The following STMN2 variants were observed in gnomAD, a reference collection of about 807,000 sequenced individuals.
STMN2 encodes the protein stathmin 2.
In STMN2, 2 loss-of-function variants were observed where a neutral mutation model predicts 24.1. The observed-to-expected ratio is 0.08, with a 90% CI of 0.03 to 0.26. The LOEUF (loss-of-function observed/expected upper bound fraction) is 0.26. Ranked by LOEUF, STMN2 falls within the 10% of genes least tolerant of loss-of-function variation. The pLI is 1.00. For missense variants in STMN2, 114 were observed against 213.6 expected (o/e 0.53, Z 2.91); for synonymous variants, 83 against 77.5 (o/e 1.07, Z -0.37).
intron 4 of STMN2, among the ~76,000 whole-genome samples, chr8:79,664,427 C>G (rs753531910): frequency 1.3e-5 from 2 of 152,090 alleles, no homozygotes; most frequent in Non-Finnish European, 2.9e-5. Context: ...TCTAGCCCTC[C>G]CAGAGTGTCC....
intron 1 of STMN2, among the ~76,000 whole-genome samples, chr8:79,624,106 A>G (rs1412797357): frequency 6.6e-6 from 1 of 152,202 alleles, no homozygotes; most frequent in East Asian, 1.9e-4. Flanking sequence ...GACAGTGTAC[A>G]CAGTTGCAGT....
intron 1 of STMN2, among the ~76,000 whole-genome samples, chr8:79,628,211 T>G (rs1034141749): frequency 6.6e-6 from 1 of 152,226 alleles, no homozygotes; most frequent in East Asian, 1.9e-4. Flanking sequence ...TCGCCCAGGC[T>G]GGAGTACAGT....
intron 3 of STMN2, among the ~76,000 whole-genome samples, chr8:79,650,027 G>A (rs1810299673): frequency 6.6e-6 from 1 of 152,160 alleles, no homozygotes; most frequent in Non-Finnish European, 1.5e-5. Flanking sequence ...CCAATAACGT[G>A]CCTCAGTTCC....
intron 1 of STMN2, among the ~76,000 whole-genome samples, chr8:79,616,161 A>G (rs1426745969): frequency 1.3e-5 from 2 of 152,118 alleles, no homozygotes; most frequent in Non-Finnish European, 2.9e-5. Flanking sequence ...GACTGCTGTT[A>G]TTTTTCCCAT....
chr8:79,631,635 C>T (rs1043703054), intron 1 of STMN2, among the ~76,000 whole-genome samples: 5 of 152,004 alleles, frequency 3.3e-5, no homozygotes, highest in East Asian at 1.9e-4. Context: ...AAATTTGAAC[C>T]GATATAGTAT....
intron 3 of STMN2, among the ~76,000 whole-genome samples, chr8:79,645,166 A>G (rs1810192722): frequency 6.6e-6 from 1 of 152,042 alleles, no homozygotes; most frequent in Non-Finnish European, 1.5e-5. Flanking sequence ...AAAAAAAAAA[A>G]GAAAGAAATG....
intron 2 of STMN2, among the ~76,000 whole-genome samples, chr8:79,637,777 C>A (rs1052331661): frequency 6.6e-6 from 1 of 152,160 alleles, no homozygotes; most frequent in Non-Finnish European, 1.5e-5. Flanking sequence ...ATTTTACTAA[C>A]TCTCAGGCTC....
At chr8:79,613,536 T>G (rs904106749) in intron 1 of STMN2, 2 of 985,508 alleles carry the variant, frequency 2.0e-6, no homozygotes, top group African/African-American at 3.5e-5. Flanking sequence ...CCTCGCTTTC[T>G]GCACCCCTCA....
intron 1 of STMN2, among the ~76,000 whole-genome samples, chr8:79,632,284 C>T (rs1809821076): frequency 6.6e-6 from 1 of 152,152 alleles, no homozygotes. Context: ...CTGTGCAAAT[C>T]GAATTGCTGT....
intron 4 of STMN2, chr8:79,663,582 G>A: frequency 6.6e-7 from 1 of 1,522,746 alleles, no homozygotes. Flanking sequence ...CTTTATAGCT[G>A]GTCAAGTTTA....
At chr8:79,642,646 C>T (rs931566450) in intron 3 of STMN2, among the ~76,000 whole-genome samples, 19 of 152,106 alleles carry the variant, frequency 1.2e-4, no homozygotes, top group African/African-American at 4.6e-4. Context: ...GCAGGACAAA[C>T]ACAGATGTGC....
chr8:79,654,985 C>T lies in STMN2; in HGVS notation c.403C>T (p.Leu135=). ...NNFSKMAEEK[L]ILKMEQIKEN... The stretch of plus-strand genomic sequence containing the variant: ...CTTCAGCAAGATGGCGGAGGAAAAG[C>T]TGATCCTGAAAATGGAACAAATTAA... Residue 135 remains leucine, a synonymous_variant, in exon 4 of 5, where the codon CTG becomes TTG. Coordinates refer to ENST00000220876, the MANE Select transcript of STMN2 (RefSeq NM_007029.4). 1 of 1,614,010 alleles carries T rather than the reference C, an allele frequency of 6.2e-7. No individual in the cohort carries two copies. The highest frequency in any genetic ancestry group is 2.2e-5 in the East Asian group (1 of 44,844).
rs141245165 is a variant in STMN2, at chr8:79,643,669, A to G, written c.288+2119A>G. 1.1e-3 allele frequency among the ~76,000 whole-genome samples: 174 copies of G among 152,296 alleles called. 1 individual carries two copies. The highest frequency in any genetic ancestry group is 3.9e-3 in the African/African-American group (164 of 41,560). On this transcript the variant is annotated intron_variant, in intron 3 of 4. Coordinates refer to ENST00000220876, the MANE Select transcript of STMN2 (RefSeq NM_007029.4). Reference sequence around the variant, plus strand: ...AAAATTAACTAGGTGTTCTTATAAGAGTCCCTGAGGTTACTAATTAATGAA... The same window carrying G: ...AAAATTAACTAGGTGTTCTTATAAGGGTCCCTGAGGTTACTAATTAATGAA...
intron 3 of STMN2, among the ~76,000 whole-genome samples, chr8:79,649,882 A>G (rs1267312125): frequency 6.6e-6 from 1 of 152,158 alleles, no homozygotes; most frequent in Non-Finnish European, 1.5e-5. Context: ...CCTCTTTGCA[A>G]AATGTTAAAG....
At chr8:79,618,104 G>C (rs1338664772) in intron 1 of STMN2, among the ~76,000 whole-genome samples, 1 of 152,206 alleles carries the variant, frequency 6.6e-6, no homozygotes, top group Non-Finnish European at 1.5e-5. Flanking sequence ...CCATTGCAGA[G>C]GTCACACCTG....
At chr8:79,651,796 A>T (rs1338754020) in intron 3 of STMN2, among the ~76,000 whole-genome samples, 2 of 152,226 alleles carry the variant, frequency 1.3e-5, no homozygotes, top group Non-Finnish European at 2.9e-5. Flanking sequence ...CCTGGCCATG[A>T]AGTCCATCTC....
At chr8:79,617,954 G>A (rs1275778069) in intron 1 of STMN2, among the ~76,000 whole-genome samples, 1 of 152,182 alleles carries the variant, frequency 6.6e-6, no homozygotes, top group African/African-American at 2.4e-5. Flanking sequence ...TGGAAACTGA[G>A]GCACAGAAAG....
At chr8:79,644,587 G>A (rs1810178724) in intron 3 of STMN2, among the ~76,000 whole-genome samples, 1 of 152,132 alleles carries the variant, frequency 6.6e-6, no homozygotes, top group Non-Finnish European at 1.5e-5. Context: ...AAGATCCCTG[G>A]GGTAAGAATT....
intron 2 of STMN2, among the ~76,000 whole-genome samples, chr8:79,640,003 C>G (rs1048784376): frequency 2.0e-5 from 3 of 152,172 alleles, no homozygotes; most frequent in African/African-American, 7.2e-5. Flanking sequence ...AGTTCGAGAC[C>G]AGCCTGACCA....
Sources: allele counts gnomAD v4.1 joint callset (sites outside exome capture counted in the v4.1 genomes callset), GRCh38; gene constraint gnomAD v4.1.1; transcripts MANE v1.5; gene names NCBI Gene and HGNC (gene_info 2026-07-23, HGNC 2026-07-21).